The following NTRK3 variants were observed in gnomAD, a reference collection of about 807,000 sequenced individuals.
NTRK3 encodes neurotrophic receptor tyrosine kinase 3.
In NTRK3, 24 loss-of-function variants were observed where a neutral mutation model predicts 91.7. That is an observed-to-expected ratio of 0.26 (90% confidence interval 0.19 to 0.37). NTRK3 has a LOEUF of 0.37. NTRK3 is among the 10% of genes least tolerant of loss of function. The probability of loss-of-function intolerance (pLI) is 1.00; values close to 1 mark genes in which losing one functional copy is unlikely to be tolerated. For synonymous variants in NTRK3, 483 were observed against 404.0 expected, an observed-to-expected ratio of 1.20 and a Z score of -2.34; for missense variants, 880 against 1,068.9, an observed-to-expected ratio of 0.82 and a Z score of 2.46.
chr15:87,984,668 T>C (rs975236970), intron 14 of NTRK3, among the ~76,000 whole-genome samples: 2 of 152,348 alleles, frequency 1.3e-5, no homozygotes, highest in East Asian at 1.9e-4. Context: ...TTAACACAAA[T>C]GGTCTTTTTA....
intron 13 of NTRK3, among the ~76,000 whole-genome samples, chr15:88,116,451 ATGG>A (rs1008485475): frequency 2.0e-4 from 30 of 151,770 alleles, no homozygotes; most frequent in African/African-American, 7.3e-4. Context: ...AAAAAAAAAA[ATGG>A]TGGTTATAGT....
rs533198928 is a variant in NTRK3, at chr15:88,112,059, A to G, written c.1396+14212T>C. Among the ~76,000 whole-genome samples, 82 of 152,122 alleles carry G rather than the reference A, an allele frequency of 5.4e-4. No individual in the cohort carries two copies. The Middle Eastern group carries it at 0.01, about 19-fold the overall frequency. ...GTAGCTGGGACTACAGGCACCCGCC[A>G]CCACGCCCAGCTAATTTTTTGTATT... On this transcript the variant is annotated intron_variant, in intron 13 of 18. Transcript: ENST00000394480.
chr15:88,227,731 A>G (rs4887392), intron 3 of NTRK3, among the ~76,000 whole-genome samples: 2,249 of 152,166 alleles, frequency 0.015, 31 homozygotes, highest in South Asian at 0.022. Context: ...CCAAACCCTC[A>G]GGGGAACACT....
rs142653891 is a variant in NTRK3 at position 88,235,395 on chromosome 15, C to T, written c.248+20511G>A. On this transcript the variant is annotated intron_variant, in intron 3 of 18. Transcript: ENST00000394480. This position sits in a 1 kb window ranked among gnomAD's most constrained non-coding sequence, Gnocchi z 5.2. ...GCAGACAGTGGACACTCACTGGTCT[C>T]GGCCTTCCCGGAACCCACATCTGAG... 1.9e-4 allele frequency among the ~76,000 whole-genome samples: 29 copies of T among 152,302 alleles called. No homozygotes were observed. The South Asian group carries it at 4.1e-3, about 22-fold the overall frequency.
At chr15:88,128,202 C>T (rs2053487186) in intron 11 of NTRK3, among the ~76,000 whole-genome samples, 1 of 152,164 alleles carries the variant, frequency 6.6e-6, no homozygotes. Flanking sequence ...GCCCTAGCCC[C>T]AAATCACTTA....
chr15:87,901,608 A>G (rs1208856623), intron 17 of NTRK3, among the ~76,000 whole-genome samples: 1 of 152,252 alleles, frequency 6.6e-6, no homozygotes, highest in East Asian at 1.9e-4. Flanking sequence ...TGGATATAGA[A>G]CAACTTATTG....
At chr15:87,902,594 G>A (rs574909339) in intron 17 of NTRK3, among the ~76,000 whole-genome samples, 2 of 152,198 alleles carry the variant, frequency 1.3e-5, no homozygotes, top group South Asian at 4.2e-4. Context: ...GCTCTACATG[G>A]TGACATTATT....
At chr15:87,881,646 T>C (rs1478747511) in intron 17 of NTRK3, among the ~76,000 whole-genome samples, 3 of 151,876 alleles carry the variant, frequency 2.0e-5, no homozygotes, top group Non-Finnish European at 2.9e-5. Context: ...GTCTCGATCT[T>C]CTGACCTCGT....
chr15:87,987,579 GTTAT>G (rs761117939), intron 14 of NTRK3, among the ~76,000 whole-genome samples: 176 of 151,006 alleles, frequency 1.2e-3, no homozygotes, highest in African/African-American at 3.3e-3. Context: ...GTGGGAGTTT[GTTAT>G]TTATTCTCTA....
intron 13 of NTRK3, among the ~76,000 whole-genome samples, chr15:88,112,139 C>A (rs1567435153): frequency 6.6e-6 from 1 of 152,266 alleles, no homozygotes; most frequent in East Asian, 1.9e-4. Flanking sequence ...ATCTCCTGAC[C>A]TCGTGATCCG....
At chr15:88,121,381 A>T (rs1012229978) in intron 13 of NTRK3, among the ~76,000 whole-genome samples, 3 of 152,200 alleles carry the variant, frequency 2.0e-5, no homozygotes, top group African/African-American at 4.8e-5. Context: ...GCTAAAACTC[A>T]GCCAAACCAA....
chr15:88,042,848 A>G (rs1361162135), intron 13 of NTRK3, among the ~76,000 whole-genome samples: 1 of 152,210 alleles, frequency 6.6e-6, no homozygotes. Flanking sequence ...AAGATCACAC[A>G]GTTAATAAAT....
intron 18 of NTRK3, among the ~76,000 whole-genome samples, chr15:87,879,936 A>T (rs1171196489): frequency 6.6e-6 from 1 of 152,212 alleles, no homozygotes; most frequent in African/African-American, 2.4e-5. Context: ...GTGTTTCCAC[A>T]AGATGGCACA....
At chr15:87,994,409 A>C (rs1411064215) in intron 14 of NTRK3, among the ~76,000 whole-genome samples, 1 of 152,218 alleles carries the variant, frequency 6.6e-6, no homozygotes, top group African/African-American at 2.4e-5. Flanking sequence ...AGATAGATAC[A>C]CACGCACAGA....
At chr15:87,961,409 T>C (rs1335018520) in intron 14 of NTRK3, among the ~76,000 whole-genome samples, 1 of 152,236 alleles carries the variant, frequency 6.6e-6, no homozygotes, top group East Asian at 1.9e-4. Context: ...TTCCAAAGAA[T>C]CTGGAGACAC....
chr15:88,162,997 T>C (rs574377334), intron 5 of NTRK3, among the ~76,000 whole-genome samples: 1 of 152,138 alleles, frequency 6.6e-6, no homozygotes, highest in Non-Finnish European at 1.5e-5. Context: ...ACACTTGGTA[T>C]AAGAAGGGCA....
At chr15:87,979,433 C>T (rs369279354) in intron 14 of NTRK3, 8 of 1,611,920 alleles carry the variant, frequency 5.0e-6, no homozygotes, top group African/African-American at 1.3e-5. Context: ...TCCGGGAAGG[C>T]TTATTGGATT....
At chr15:87,921,564 A>G (rs2067876100) in intron 17 of NTRK3, among the ~76,000 whole-genome samples, 1 of 152,120 alleles carries the variant, frequency 6.6e-6, no homozygotes, top group Non-Finnish European at 1.5e-5. Context: ...GGACATGAAT[A>G]GACTTGTGAT....
chr15:87,981,537 A>G (rs1461947368), intron 14 of NTRK3, among the ~76,000 whole-genome samples: 1 of 152,212 alleles, frequency 6.6e-6, no homozygotes, highest in Non-Finnish European at 1.5e-5. Flanking sequence ...TACGCATAAA[A>G]TCTAGATCCT....
Sources: allele counts gnomAD v4.1 joint callset (sites outside exome capture counted in the v4.1 genomes callset), GRCh38; gene constraint gnomAD v4.1.1; non-coding constraint Gnocchi (gnomAD v3.1); transcripts MANE v1.5; gene names NCBI Gene and HGNC (gene_info 2026-07-23, HGNC 2026-07-21).